Variants in IGSF5 observed in about 807,000 individuals in gnomAD.
The protein encoded by IGSF5 is immunoglobulin superfamily 5 like.
In IGSF5, 41 loss-of-function variants were observed where a neutral mutation model predicts 39.4. The observed-to-expected ratio is 1.04, with a 90% CI of 0.81 to 1.35. The LOEUF (loss-of-function observed/expected upper bound fraction) is 1.35, where lower values mean the gene tolerates loss of function less well. Among genes scored for constraint, IGSF5 ranks in the 40% most tolerant of loss-of-function variants. The pLI is 0.00. For synonymous variants in IGSF5, 183 were observed against 175.3 expected, an observed-to-expected ratio of 1.04 and a Z score of -0.34; for missense variants, 487 against 494.6, an observed-to-expected ratio of 0.98 and a Z score of 0.15.
intron 8 of IGSF5, among the ~76,000 whole-genome samples, chr21:39,797,948 C>A (rs948793939): frequency 4.0e-5 from 6 of 151,762 alleles, no homozygotes; most frequent in Non-Finnish European, 8.9e-5. Flanking sequence ...AATTTCATAT[C>A]AAACTGCCTT....
chr21:39,783,283 C>G (rs1016399010), intron 5 of IGSF5, among the ~76,000 whole-genome samples: 1 of 152,078 alleles, frequency 6.6e-6, no homozygotes, highest in African/African-American at 2.4e-5. Context: ...TTTTGAAAAA[C>G]CTTCATACTG....
At chr21:39,768,730 C>T (rs1248220236) in intron 3 of IGSF5, among the ~76,000 whole-genome samples, 1 of 152,224 alleles carries the variant, frequency 6.6e-6, no homozygotes, top group East Asian at 1.9e-4. Context: ...AACCCTTTCT[C>T]CACTCCTTGT....
chr21:39,792,372 C>A (rs751201213), intron 7 of IGSF5, among the ~76,000 whole-genome samples: 7 of 151,914 alleles, frequency 4.6e-5, no homozygotes, highest in Non-Finnish European at 1.0e-4. Flanking sequence ...CACACTGGGG[C>A]CTGCCATAGG....
At chr21:39,746,909 G>A (rs2079978113) in intron 2 of IGSF5, among the ~76,000 whole-genome samples, 1 of 152,204 alleles carries the variant, frequency 6.6e-6, no homozygotes, top group Non-Finnish European at 1.5e-5. Flanking sequence ...AAGCACCTTG[G>A]AGAAATTCAG....
intron 2 of IGSF5, among the ~76,000 whole-genome samples, chr21:39,758,787 T>C (rs1196742023): frequency 6.6e-6 from 1 of 152,222 alleles, no homozygotes; most frequent in Non-Finnish European, 1.5e-5. Context: ...TAGGTTTGTT[T>C]AGTTTCCATT....
At position 39,745,439 on chromosome 21, in the gene IGSF5, A is replaced by C; in HGVS notation, c.-71A>C. On this transcript the variant is annotated 5_prime_UTR_variant, in exon 1 of 9. Coordinates refer to ENST00000380588, the MANE Select transcript of IGSF5 (RefSeq NM_001080444.2). The stretch of plus-strand genomic sequence containing the variant: ...GTACCTAGGAGGCAGGGATCAGAGG[A>C]AGTAGATTCAGAGGTAAGGAGAATT... 4 of 703,528 alleles carry C rather than the reference A, an allele frequency of 5.7e-6. No individual in the cohort carries two copies. The South Asian group carries it at 6.0e-5, about 11-fold the overall frequency. 43.6% of individuals were successfully genotyped at this position (703,528 alleles called of 1,614,324 possible). A position where few individuals can be genotyped will look rare whatever the true frequency, so the allele number is the denominator to read the frequency against.
intron 5 of IGSF5, among the ~76,000 whole-genome samples, chr21:39,782,519 C>G (rs745734528): frequency 6.6e-6 from 1 of 152,120 alleles, no homozygotes; most frequent in Non-Finnish European, 1.5e-5. Context: ...TCCCTATTCC[C>G]GCTTCCCCCC....
chr21:39,773,982 T>C (rs1465745828), intron 4 of IGSF5, among the ~76,000 whole-genome samples: 1 of 152,248 alleles, frequency 6.6e-6, no homozygotes, highest in East Asian at 1.9e-4. Flanking sequence ...TAATTTCCCT[T>C]GGTCAGGTTA....
At chr21:39,753,757 G>C (rs184561155) in intron 2 of IGSF5, among the ~76,000 whole-genome samples, 8 of 148,410 alleles carry the variant, frequency 5.4e-5, no homozygotes, top group African/African-American at 7.5e-5. Flanking sequence ...TTTTTTAACT[G>C]TTGTTGCTTT....
the IGSF5 span, among the ~76,000 whole-genome samples, chr21:39,727,547 C>T: frequency 6.6e-6 from 1 of 152,336 alleles, no homozygotes; most frequent in South Asian, 2.1e-4. Flanking sequence ...GTGAAAAGGC[C>T]AGCCAGTGCT....
chr21:39,724,187 G>T, the IGSF5 span, among the ~76,000 whole-genome samples: 325 of 152,082 alleles, frequency 2.1e-3, 1 homozygote, highest in Non-Finnish European at 3.9e-3. Context: ...ATTAATAATA[G>T]AATTAAGTGG....
the IGSF5 span, among the ~76,000 whole-genome samples, chr21:39,738,464 A>G: frequency 6.6e-6 from 1 of 152,156 alleles, no homozygotes; most frequent in African/African-American, 2.4e-5. This position sits in a 1 kb window ranked among gnomAD's most constrained non-coding sequence, Gnocchi z 6.4. Context: ...GCCAAACCAT[A>G]TCAGCTGGCA....
chr21:39,735,771 T>C, the IGSF5 span, among the ~76,000 whole-genome samples: 2 of 152,190 alleles, frequency 1.3e-5, no homozygotes, highest in Non-Finnish European at 1.5e-5. Flanking sequence ...GGTCAATATC[T>C]GCAGGGCAAA....
At chr21:39,716,044 C>G in the IGSF5 span, among the ~76,000 whole-genome samples, 1 of 152,218 alleles carries the variant, frequency 6.6e-6, no homozygotes, top group Non-Finnish European at 1.5e-5. Context: ...TTGTAGGAAC[C>G]TGGAAACTGT....
chr21:39,796,006 A>G (rs2086993870), intron 8 of IGSF5, among the ~76,000 whole-genome samples: 3 of 152,138 alleles, frequency 2.0e-5, no homozygotes. Context: ...TTTGATTATG[A>G]CCAAAGAAGG....
chr21:39,745,157 A>ATCTCTCTC (rs35473597), upstream of IGSF5, among the ~76,000 whole-genome samples: 1 of 145,652 alleles, frequency 6.9e-6, no homozygotes, highest in Non-Finnish European at 1.5e-5. Context: ...CTCTCTCTTC[A>ATCTCTCTC]TCTCTCTCTC....
intron 4 of IGSF5, among the ~76,000 whole-genome samples, chr21:39,778,125 C>A (rs751829742): frequency 6.6e-6 from 1 of 152,104 alleles, no homozygotes; most frequent in Non-Finnish European, 1.5e-5. Context: ...CAGCGTGGTG[C>A]GCTAGGGAGA....
In IGSF5 at chr21:39,748,298, G is replaced by A. The variant is rs374666421; in HGVS notation, c.100+2000G>A. ...AAGTGTGCAAGTGAAGAGAAAACAA[G>A]ATCTTTTTTTTTTTTTTTTTTTTTT... On this transcript the variant is annotated intron_variant, in intron 2 of 8. Coordinates refer to ENST00000380588, the MANE Select transcript of IGSF5 (RefSeq NM_001080444.2). Among the ~76,000 whole-genome samples the A allele has an allele frequency of 7.0e-5, 4 of 57,316 alleles. 1 individual carries two copies. Among genetic ancestry groups the A allele is most frequent in the Non-Finnish European group, 1.3e-4 (3 of 23,218 alleles). 37.6% of individuals were successfully genotyped at this position (57,316 alleles called of 152,430 possible).
chr21:39,745,700 C>A (rs1029461421), intron 1 of IGSF5, among the ~76,000 whole-genome samples, 174 bp downstream of exon 1: 4 of 152,118 alleles, frequency 2.6e-5, no homozygotes, highest in African/African-American at 7.2e-5. Context: ...TCCCCAACAA[C>A]CCCAGAAGGG....
Sources: gnomAD v4.1 joint callset for allele counts (sites outside exome capture counted in the v4.1 genomes callset) on GRCh38, gnomAD v4.1.1 for gene constraint, Gnocchi (gnomAD v3.1) non-coding constraint, MANE v1.5 for transcripts, NCBI Gene and HGNC (gene_info 2026-07-23, HGNC 2026-07-21) for gene names.